Variants in THSD7B observed in about 807,000 individuals in gnomAD.
THSD7B encodes thrombospondin type 1 domain containing 7B, also known as thrombospondin type-1 domain-containing protein 7B.
A neutral mutation model predicts 213.6 loss-of-function variants in THSD7B; 138 were observed. That is an observed-to-expected ratio of 0.65 (90% CI 0.56 to 0.74). THSD7B has a LOEUF of 0.74. Ranked by LOEUF, THSD7B falls within the 30% of genes least tolerant of loss-of-function variation. THSD7B has a pLI of 0.00. For synonymous variants in THSD7B, 742 were observed against 687.0 expected (o/e 1.08, Z -1.25); for missense variants, 1,931 against 1,991.5 (o/e 0.97, Z 0.58).
chr2:137,594,486 C>T (rs1406728236), intron 17 of THSD7B, among the ~76,000 whole-genome samples: 3 of 151,974 alleles, frequency 2.0e-5, no homozygotes, highest in Non-Finnish European at 4.4e-5. Flanking sequence ...TATACAGTTT[C>T]AAATTGCATT....
At chr2:137,073,109 C>T (rs1215304617) in intron 3 of THSD7B, among the ~76,000 whole-genome samples, 1 of 152,114 alleles carries the variant, frequency 6.6e-6, no homozygotes, top group Admixed American at 6.6e-5. Flanking sequence ...CAGGATGATG[C>T]TGGCCTCATA....
intron 7 of THSD7B, among the ~76,000 whole-genome samples, chr2:137,221,281 C>T (rs575382695): frequency 2.5e-4 from 37 of 150,798 alleles, no homozygotes; most frequent in African/African-American, 7.2e-4. Context: ...AGCAAGGCTC[C>T]GTCTCAAAAA....
At chr2:137,316,948 GGTA>G in intron 12 of THSD7B, among the ~76,000 whole-genome samples, 1 of 151,972 alleles carries the variant, frequency 6.6e-6, no homozygotes, top group Non-Finnish European at 1.5e-5. Context: ...CCTCTGAGTT[GGTA>G]GGTTCTGACA....
intron 5 of THSD7B, among the ~76,000 whole-genome samples, chr2:137,154,421 A>G (rs1392550211): frequency 3.9e-5 from 6 of 152,162 alleles, no homozygotes; most frequent in Admixed American, 1.3e-4. Context: ...GAAAGCGCCA[A>G]TGACTCTTAT....
chr2:137,587,752 C>T (rs558070508), intron 17 of THSD7B, among the ~76,000 whole-genome samples: 33 of 152,342 alleles, frequency 2.2e-4, no homozygotes, highest in Admixed American at 2.2e-3. Flanking sequence ...CCCTACTGGG[C>T]AGTTCCTCCC....
In THSD7B at chr2:136,784,090, A is replaced by G. The variant is rs114162689; in HGVS notation, c.-36+18403A>G. Among the ~76,000 whole-genome samples the G allele has an allele frequency of 9.0e-3, 1,376 of 152,306 alleles. 26 individuals carry two copies. The highest frequency in any genetic ancestry group is 0.03 in the African/African-American group (1,263 of 41,564). On this transcript the variant is annotated intron_variant, in intron 1 of 27. Transcript: ENST00000409968. Reference sequence around the variant, plus strand: ...TTCCCAATGAGTCACCATGTGAAATACTTTTTTAAAGAGTGGTCTCTCTTT... The same window carrying G: ...TTCCCAATGAGTCACCATGTGAAATGCTTTTTTAAAGAGTGGTCTCTCTTT...
At chr2:137,477,628 A>T (rs1688220265) in intron 15 of THSD7B, among the ~76,000 whole-genome samples, 2 of 150,020 alleles carry the variant, frequency 1.3e-5, no homozygotes, top group East Asian at 2.0e-4. Flanking sequence ...TTATCATTGC[A>T]GTTTGGTGGG....
intron 7 of THSD7B, among the ~76,000 whole-genome samples, chr2:137,176,925 G>A (rs1680368713): frequency 6.6e-6 from 1 of 150,898 alleles, no homozygotes; most frequent in Non-Finnish European, 1.5e-5. Flanking sequence ...GTACTTGTCC[G>A]GGAATCTTTG....
intron 12 of THSD7B, among the ~76,000 whole-genome samples, chr2:137,371,563 T>A (rs940009762): frequency 6.6e-6 from 1 of 152,302 alleles, no homozygotes; most frequent in African/African-American, 2.4e-5. Context: ...AAATATATTC[T>A]TGAAATTAGT....
At chr2:137,375,507 T>C (rs1340076658) in intron 12 of THSD7B, among the ~76,000 whole-genome samples, 1 of 152,180 alleles carries the variant, frequency 6.6e-6, no homozygotes, top group East Asian at 1.9e-4. Context: ...TTTTCAGGAA[T>C]CCATCTACAT....
intron 5 of THSD7B, among the ~76,000 whole-genome samples, chr2:137,124,593 A>G (rs1169723374): frequency 6.6e-6 from 1 of 152,154 alleles, no homozygotes; most frequent in Non-Finnish European, 1.5e-5. Flanking sequence ...TTCCTATGTC[A>G]AGAGAAAATC....
chr2:137,362,707 C>T (rs1685296161), intron 12 of THSD7B, among the ~76,000 whole-genome samples: 2 of 152,094 alleles, frequency 1.3e-5, no homozygotes, highest in Non-Finnish European at 2.9e-5. Context: ...ATATATGCAC[C>T]CAATACAGGA....
chr2:137,254,829 G>T (rs551000396), intron 10 of THSD7B, among the ~76,000 whole-genome samples: 54 of 152,120 alleles, frequency 3.5e-4, no homozygotes, highest in Non-Finnish European at 6.6e-4. Flanking sequence ...TAAACATTAT[G>T]AATTTTATAA....
chr2:136,913,984 C>T (rs530833173), intron 2 of THSD7B, among the ~76,000 whole-genome samples: 4 of 152,178 alleles, frequency 2.6e-5, no homozygotes, highest in Non-Finnish European at 5.9e-5. Context: ...CAGCTTGAAC[C>T]ATGCATCTGG....
chr2:137,550,691 A>G (rs1680829586), intron 15 of THSD7B, among the ~76,000 whole-genome samples: 1 of 152,098 alleles, frequency 6.6e-6, no homozygotes, highest in Admixed American at 6.6e-5. Context: ...GACTGCATTT[A>G]TTAAGTCTCA....
chr2:137,109,148 A>G (rs908953460), intron 4 of THSD7B, among the ~76,000 whole-genome samples: 1 of 152,134 alleles, frequency 6.6e-6, no homozygotes, highest in African/African-American at 2.4e-5. Flanking sequence ...TAGACTGGCA[A>G]AGACCTTTAA....
intron 1 of THSD7B, among the ~76,000 whole-genome samples, chr2:136,880,220 C>A (rs1975081): frequency 0.86 from 130,783 of 152,108 alleles, 56,597 homozygotes; most frequent in Non-Finnish European, 0.91. Flanking sequence ...TTGGAAGTAA[C>A]GCACTCCTCA....
At position 137,231,586 on chromosome 2, in the gene THSD7B, A is replaced by G. The variant is rs563448858; in HGVS notation, c.1915+351A>G. On this transcript the variant is annotated intron_variant, in intron 8 of 27. Transcript: ENST00000409968. ...CTTGTGCAGTTGGGAACATAATTAG[A>G]CTATGTTTAGTAAAAAGAGCTTCAA... 1.4e-4 allele frequency among the ~76,000 whole-genome samples: 14 copies of G among 98,074 alleles called. No homozygotes were observed. In the South Asian group the frequency reaches 3.8e-3, roughly 26 times the overall value. The allele number at this position is 98,074 out of a possible 152,430, so 64.3% of individuals were successfully genotyped here.
intron 15 of THSD7B, chr2:137,479,517 C>G: frequency 2.5e-6 from 1 of 405,212 alleles, no homozygotes; most frequent in Non-Finnish European, 5.0e-6. Context: ...AAGTGGGGTT[C>G]CTTTCGCTGG....
Sources: allele counts gnomAD v4.1 joint callset (sites outside exome capture counted in the v4.1 genomes callset), GRCh38; gene constraint gnomAD v4.1.1; transcripts MANE v1.5; gene names NCBI Gene and HGNC (gene_info 2026-07-23, HGNC 2026-07-21).